Variants in CYP19A1 observed in about 807,000 individuals in gnomAD.
The protein encoded by CYP19A1 is aromatase.
A neutral mutation model predicts 44.4 loss-of-function variants in CYP19A1; 32 were observed. That is an observed-to-expected ratio of 0.72 (90% CI 0.54 to 0.97). The LOEUF (loss-of-function observed/expected upper bound fraction) is 0.97, where lower values mean the gene tolerates loss of function less well. Among genes scored for constraint, CYP19A1 ranks in the 50% least tolerant of loss-of-function variants. CYP19A1 has a pLI of 0.00. For synonymous variants in CYP19A1, 212 were observed against 215.6 expected (o/e 0.98, Z 0.14); for missense variants, 598 against 637.8 (o/e 0.94, Z 0.67).
At chr15:51,252,914 GACT>G (rs2034377032) in intron 1 of CYP19A1, among the ~76,000 whole-genome samples, 1 of 152,112 alleles carries the variant, frequency 6.6e-6, no homozygotes, top group Non-Finnish European at 1.5e-5. Flanking sequence ...AGGAGAAAGT[GACT>G]ACCCTAGGAA....
At chr15:51,319,048 A>T (rs901119430) in intron 1 of CYP19A1, 2 of 152,170 alleles carry the variant, frequency 1.3e-5, no homozygotes, top group Non-Finnish European at 2.9e-5. Context: ...TTGCGCAACT[A>T]TGAGGGGACA....
At chr15:51,237,992 C>CG (rs2033515499) in intron 2 of CYP19A1, among the ~76,000 whole-genome samples, 1 of 152,192 alleles carries the variant, frequency 6.6e-6, no homozygotes, top group Non-Finnish European at 1.5e-5. Context: ...TCTCACCTTA[C>CG]GGGCAAAAGT....
chr15:51,303,242 G>T (rs2036150683), intron 1 of CYP19A1, among the ~76,000 whole-genome samples: 1 of 152,164 alleles, frequency 6.6e-6, no homozygotes, highest in African/African-American at 2.4e-5. Context: ...CCAGTGACCT[G>T]CACTCTGATT....
chr15:51,288,202 C>CA (rs1008918686), intron 1 of CYP19A1, among the ~76,000 whole-genome samples: 1 of 152,158 alleles, frequency 6.6e-6, no homozygotes, highest in African/African-American at 2.4e-5. Context: ...CTCCTGTCCC[C>CA]AGCCCCTACC....
At chr15:51,223,585 T>TCACACACACA in intron 4 of CYP19A1, among the ~76,000 whole-genome samples, 1 of 79,228 alleles carries the variant, frequency 1.3e-5, no homozygotes, top group East Asian at 5.9e-4. Flanking sequence ...TCTCTCTCTC[T>TCACACACACA]CTCTCTCTCA....
At chr15:51,223,591 TCTCACACACA>T (rs1319320356) in intron 4 of CYP19A1, among the ~76,000 whole-genome samples, 3 of 56,942 alleles carry the variant, frequency 5.3e-5, no homozygotes, top group African/African-American at 1.7e-4. Flanking sequence ...TCTCTCTCTC[TCTCACACACA>T]CACACACACA....
At chr15:51,257,071 A>G (rs1566898446) in intron 1 of CYP19A1, among the ~76,000 whole-genome samples, 1 of 152,222 alleles carries the variant, frequency 6.6e-6, no homozygotes, top group African/African-American at 2.4e-5. Flanking sequence ...GTGAGTGGCA[A>G]GGGTGCTTTA....
chr15:51,334,907 TAAAAGCCCA>T (rs2036753845), intron 1 of CYP19A1, among the ~76,000 whole-genome samples: 1 of 152,174 alleles, frequency 6.6e-6, no homozygotes, highest in South Asian at 2.1e-4. Flanking sequence ...GTGAGGTAGG[TAAAAGCCCA>T]GTCACTCTGG....
chr15:51,308,608 CT>C lies in CYP19A1; in HGVS notation c.-39+29886del, dbSNP rs144134395. On this transcript the variant is annotated intron_variant, in intron 1 of 9. Coordinates refer to ENST00000396402, the MANE Select transcript of CYP19A1 (RefSeq NM_000103.4). ...CCTCCCCAGTATGGCTCACATGTCA[CT>C]TAGAAGACTGCTGGGGCTCTAGTGG... Among the ~76,000 whole-genome samples, 508 of 152,210 alleles carry C rather than the reference CT, an allele frequency of 3.3e-3. 7 individuals are homozygous for C. Among genetic ancestry groups the C allele is most frequent in the East Asian group, 0.029 (152 of 5,174 alleles).
intron 1 of CYP19A1, among the ~76,000 whole-genome samples, chr15:51,250,191 GAAAGGTACCTGCTGCTA>G (rs1399242627): frequency 6.6e-6 from 1 of 152,184 alleles, no homozygotes; most frequent in Admixed American, 6.5e-5. Flanking sequence ...GATGGTGTAT[GAAAGGTACCTGCTGCTA>G]AAACCCACAT....
chr15:51,306,085 C>A (rs1227463857), intron 1 of CYP19A1, among the ~76,000 whole-genome samples: 1 of 152,184 alleles, frequency 6.6e-6, no homozygotes, highest in East Asian at 1.9e-4. Flanking sequence ...AGGAGAGCAG[C>A]ACTTGAATCC....
At chr15:51,212,052 T>A (rs2031050067) in intron 9 of CYP19A1, among the ~76,000 whole-genome samples, 1 of 152,148 alleles carries the variant, frequency 6.6e-6, no homozygotes, top group Non-Finnish European at 1.5e-5. Flanking sequence ...TTTAGCCAAA[T>A]GAAGGGCCCA....
chr15:51,248,067 A>G (rs1163234562), intron 1 of CYP19A1, among the ~76,000 whole-genome samples: 1 of 152,166 alleles, frequency 6.6e-6, no homozygotes, highest in Non-Finnish European at 1.5e-5. Context: ...TCTAAGATTA[A>G]TTGCTCTCAA....
In CYP19A1 at chr15:51,268,385, C is replaced by T. The variant is rs572024826; in HGVS notation, c.-38-25435G>A. ...TTTTCATCTGGCTTCTTTTACTTAG[C>T]ATATTGATTTTGAGTTTCATTCTTA... On this transcript the variant is annotated intron_variant, in intron 1 of 9. Coordinates refer to ENST00000396402, the MANE Select transcript of CYP19A1 (RefSeq NM_000103.4). Among the ~76,000 whole-genome samples, 5 of 152,306 alleles carry T rather than the reference C, an allele frequency of 3.3e-5. No individual in the cohort carries two copies. The East Asian group carries it at 9.6e-4, about 29-fold the overall frequency.
chr15:51,298,694 C>T (rs2036049541), intron 1 of CYP19A1, among the ~76,000 whole-genome samples: 1 of 152,226 alleles, frequency 6.6e-6, no homozygotes, highest in African/African-American at 2.4e-5. Context: ...GCATTTGCTT[C>T]TGAGGCTCCG....
chr15:51,294,922 T>C (rs111697746), intron 1 of CYP19A1, among the ~76,000 whole-genome samples: 10,570 of 151,618 alleles, frequency 0.07, 537 homozygotes, highest in South Asian at 0.21. Context: ...GGATGGTTGC[T>C]GTGTCTGTGT....
intron 1 of CYP19A1, among the ~76,000 whole-genome samples, chr15:51,313,394 A>G (rs527385402): frequency 6.6e-6 from 1 of 152,208 alleles, no homozygotes; most frequent in South Asian, 2.1e-4. Flanking sequence ...ATAGGCCTGA[A>G]CCTTAGGAGC....
intron 4 of CYP19A1, among the ~76,000 whole-genome samples, chr15:51,225,412 C>T (rs1309353736): frequency 1.3e-5 from 2 of 152,188 alleles, no homozygotes; most frequent in African/African-American, 4.8e-5. Flanking sequence ...GATCTTATAG[C>T]ATTATTTCAT....
intron 1 of CYP19A1, among the ~76,000 whole-genome samples, chr15:51,337,208 A>G (rs1454952613): frequency 6.6e-6 from 1 of 152,228 alleles, no homozygotes; most frequent in African/African-American, 2.4e-5. Context: ...CAGTTAAGAT[A>G]GGTCCCTGCC....
Sources: allele counts gnomAD v4.1 joint callset (sites outside exome capture counted in the v4.1 genomes callset), GRCh38; gene constraint gnomAD v4.1.1; transcripts MANE v1.5; gene names NCBI Gene and HGNC (gene_info 2026-07-23, HGNC 2026-07-21).